MSL2: variants seen among roughly 807,000 people sequenced by gnomAD.
The protein encoded by MSL2 is E3 ubiquitin-protein ligase MSL2.
MSL2 carries 2 observed loss-of-function variants against 35.8 expected under a neutral mutation model. The observed-to-expected ratio is 0.06, with a 90% CI of 0.02 to 0.18. The LOEUF (loss-of-function observed/expected upper bound fraction) is 0.18, where lower values mean the gene tolerates loss of function less well. MSL2 is among the 10% of genes least tolerant of loss of function. The pLI, the probability that MSL2 is intolerant of heterozygous loss-of-function variation, is 1.00. For missense variants in MSL2, 523 were observed against 706.7 expected (o/e 0.74, Z 2.95); for synonymous variants, 296 against 255.7 (o/e 1.16, Z -1.50).
chr3:136,157,837 T>A (rs1939577312), intron 1 of MSL2, among the ~76,000 whole-genome samples: 1 of 152,200 alleles, frequency 6.6e-6, no homozygotes, highest in African/African-American at 2.4e-5. Flanking sequence ...AATAAAAGTT[T>A]TAAATAGCCA....
At position 136,152,747 on chromosome 3, in the gene MSL2, G is replaced by C; in HGVS notation, c.143-9C>G. On this transcript the variant is annotated splice_polypyrimidine_tract_variant and intron_variant, in intron 1 of 1. Coordinates refer to ENST00000309993, the MANE Select transcript of MSL2 (RefSeq NM_018133.4). ...ATCTTGTAGCAAATGTCCTAAGGGG[G>C]AGAAGGAGGAAAGCAAAGATTTTAG... 1 of 1,604,946 alleles carries C rather than the reference G, an allele frequency of 6.2e-7. No homozygotes were observed. The highest frequency in any genetic ancestry group is 8.5e-7 in the Non-Finnish European group (1 of 1,174,880).
Position 136,195,036 on chromosome 3 carries a change from C to T in MSL2, c.78G>A (p.Lys26=), listed in dbSNP as rs142711366. Residue 26 remains lysine, a synonymous_variant, in exon 1 of 2, where the codon AAG becomes AAA. Transcript: ENST00000309993. The stretch of plus-strand genomic sequence containing the variant: ...AGAGCCTGTTAATCTCAGTAAACGC[C>T]TTGGGGTCTCCGGGGTCGTAGTTGA... ...LVLNYDPGDP[K]AFTEINRLLP... is the part of the protein sequence containing the mutation. 2 of 1,614,080 alleles carry T rather than the reference C, an allele frequency of 1.2e-6. No individual in the cohort carries two copies. Among genetic ancestry groups the T allele is most frequent in the Non-Finnish European group, 1.7e-6 (2 of 1,180,012 alleles).
In MSL2 at chr3:136,195,443, C is replaced by T; in HGVS notation, c.-330G>A. On this transcript the variant is annotated 5_prime_UTR_variant, in exon 1 of 2. Transcript: ENST00000309993. ...GGACTCGGAGCTCAGTCTAGCCCCG[C>T]GGCTCGGCAGGCGGCCTGCACTCGA... The T allele has an allele frequency of 1.9e-6, 2 of 1,042,308 alleles. No individual in the cohort carries two copies. Among genetic ancestry groups the T allele is most frequent in the Non-Finnish European group, 2.3e-6 (2 of 866,328 alleles). 64.6% of individuals were successfully genotyped at this position (1,042,308 alleles called of 1,614,324 possible). A position where few individuals can be genotyped will look rare whatever the true frequency, so the allele number is the denominator to read the frequency against.
intron 1 of MSL2, among the ~76,000 whole-genome samples, chr3:136,181,591 A>C (rs1006512328): frequency 3.9e-5 from 6 of 152,150 alleles, no homozygotes; most frequent in Admixed American, 3.9e-4. Flanking sequence ...AGCTCCAAAA[A>C]TTTGTTCACA....
chr3:136,173,276 T>A (rs1317653699), intron 1 of MSL2, among the ~76,000 whole-genome samples: 1 of 152,174 alleles, frequency 6.6e-6, no homozygotes, highest in Non-Finnish European at 1.5e-5. Flanking sequence ...AATCTGTATC[T>A]CCAACTCAAA....
At chr3:136,166,434 C>T in intron 1 of MSL2, among the ~76,000 whole-genome samples, 1 of 151,596 alleles carries the variant, frequency 6.6e-6, no homozygotes, top group Non-Finnish European at 1.5e-5. Flanking sequence ...TTTAATTCAG[C>T]CACCAAAAAG....
chr3:136,180,294 A>G (rs1178334264), intron 1 of MSL2, among the ~76,000 whole-genome samples: 1 of 152,170 alleles, frequency 6.6e-6, no homozygotes, highest in East Asian at 1.9e-4. Context: ...AAACACTTCA[A>G]ATAACACATT....
intron 1 of MSL2, among the ~76,000 whole-genome samples, chr3:136,160,587 G>A (rs1026190861): frequency 1.3e-5 from 2 of 151,848 alleles, no homozygotes; most frequent in Non-Finnish European, 2.9e-5. Flanking sequence ...GCATGCACCT[G>A]TAGTCCCAGC....
At chr3:136,184,209 T>C (rs1351528473) in intron 1 of MSL2, among the ~76,000 whole-genome samples, 5 of 151,872 alleles carry the variant, frequency 3.3e-5, no homozygotes, top group East Asian at 1.9e-4. Context: ...GGCAGGAGAA[T>C]TGCTCGAACC....
intron 1 of MSL2, among the ~76,000 whole-genome samples, chr3:136,157,034 T>C (rs1270992991): frequency 7.2e-5 from 11 of 152,020 alleles, no homozygotes; most frequent in Non-Finnish European, 1.5e-4. Context: ...ACAGTAAAAA[T>C]AGAAAATATA....
At chr3:136,184,575 C>T (rs1009250632) in intron 1 of MSL2, among the ~76,000 whole-genome samples, 1 of 152,104 alleles carries the variant, frequency 6.6e-6, no homozygotes, top group African/African-American at 2.4e-5. Flanking sequence ...TGCACTCCAG[C>T]CTGGACGACA....
In MSL2 at chr3:136,194,919, CAGA is replaced by C; in HGVS notation, c.142+50_142+52del. The C allele has an allele frequency of 2.5e-6, 4 of 1,611,382 alleles. No individual in the cohort carries two copies. The African/African-American group carries it at 4.0e-5, about 16-fold the overall frequency. On this transcript the variant is annotated intron_variant, in intron 1 of 1. Coordinates refer to ENST00000309993, the MANE Select transcript of MSL2 (RefSeq NM_018133.4). ...TCAACCCGCTCACGTTACCACTGCC[CAGA>C]AGGCTTTTAAAAACAAGCATTGAAA...
At chr3:136,190,907 G>A (rs954593389) in intron 1 of MSL2, among the ~76,000 whole-genome samples, 2 of 152,262 alleles carry the variant, frequency 1.3e-5, no homozygotes, top group East Asian at 3.9e-4. Flanking sequence ...TCTACAGCAA[G>A]GCTATCCCAT....
chr3:136,182,779 T>A (rs1940406449), intron 1 of MSL2, among the ~76,000 whole-genome samples: 1 of 150,400 alleles, frequency 6.6e-6, no homozygotes, highest in African/African-American at 2.4e-5. Flanking sequence ...AGTCTTCAGC[T>A]CAGTACTGAT....
intron 1 of MSL2, among the ~76,000 whole-genome samples, chr3:136,158,259 C>A (rs1230511607): frequency 6.6e-6 from 1 of 151,334 alleles, no homozygotes; most frequent in East Asian, 1.9e-4. Context: ...CTGCGGTGAG[C>A]CGAGATCATG....
intron 1 of MSL2, among the ~76,000 whole-genome samples, chr3:136,161,356 T>C (rs1249014697): frequency 1.3e-5 from 2 of 152,214 alleles, no homozygotes; most frequent in African/African-American, 4.8e-5. Flanking sequence ...AGCAAAATTC[T>C]ACTCCTAGGA....
In MSL2 at chr3:136,170,508, CTTTTTTTT is replaced by C. The variant is rs71157363; in HGVS notation, c.143-17778_143-17771del. Among the ~76,000 whole-genome samples, 27 of 81,652 alleles carry C rather than the reference CTTTTTTTT, an allele frequency of 3.3e-4. No individual in the cohort carries two copies. The East Asian group carries it at 7.2e-3, about 22-fold the overall frequency. The allele number at this position is 81,652 out of a possible 152,430, so 53.6% of individuals were successfully genotyped here. On this transcript the variant is annotated intron_variant, in intron 1 of 1. Transcript: ENST00000309993. Reference sequence around the variant, plus strand: ...GACCAAAAGGAAAAAAAACTCTGTCCTTTTTTTTTTTTTTTTTTTTTTTTGAGATGGGA... The same window carrying C: ...GACCAAAAGGAAAAAAAACTCTGTCCTTTTTTTTTTTTTTTTGAGATGGGA...
intron 1 of MSL2, among the ~76,000 whole-genome samples, chr3:136,183,551 G>A (rs1255060463): frequency 6.6e-6 from 1 of 152,044 alleles, no homozygotes; most frequent in African/African-American, 2.4e-5. Flanking sequence ...CCTCCCAAGG[G>A]TCTGTGACTA....
intron 1 of MSL2, among the ~76,000 whole-genome samples, chr3:136,178,776 G>A (rs1191494749): frequency 3.3e-5 from 5 of 151,606 alleles, no homozygotes. Flanking sequence ...GACCTCAGGT[G>A]ATCCACCCAC....
Sources: gnomAD v4.1 joint callset for allele counts (sites outside exome capture counted in the v4.1 genomes callset) on GRCh38, gnomAD v4.1.1 for gene constraint, MANE v1.5 for transcripts, NCBI Gene and HGNC (gene_info 2026-07-23, HGNC 2026-07-21) for gene names.